MAPKAP1: variants seen among roughly 807,000 people sequenced by gnomAD.
The protein encoded by MAPKAP1 is MAPK associated protein 1.
A neutral mutation model predicts 65.7 loss-of-function variants in MAPKAP1; 20 were observed. The observed-to-expected ratio is 0.30, with a 90% confidence interval of 0.21 to 0.44. The LOEUF is 0.44. MAPKAP1 is among the 20% of genes least tolerant of loss of function. The pLI, the probability that MAPKAP1 is intolerant of heterozygous loss-of-function variation, is 1.00. For missense variants in MAPKAP1, 423 were observed against 648.0 expected, an observed-to-expected ratio of 0.65 and a Z score of 3.77; for synonymous variants, 222 against 244.3, an observed-to-expected ratio of 0.91 and a Z score of 0.85.
rs1852745616 is a variant in MAPKAP1, at chr9:125,447,071, CA to C, written c.1346-2474del. 2.0e-5 allele frequency among the ~76,000 whole-genome samples: 3 copies of C among 151,920 alleles called. No homozygotes were observed. The highest frequency in any genetic ancestry group is 1.9e-4 in the East Asian group (1 of 5,186). On this transcript the variant is annotated intron_variant, in intron 10 of 11. Coordinates refer to ENST00000265960, the MANE Select transcript of MAPKAP1 (RefSeq NM_001006617.3). The surrounding 1 kb of genome is among the most constrained non-coding windows in gnomAD (Gnocchi z 4.5). ...CATCTGCACAGTCACGTGAAAAAAA[CA>C]AAAAAATCATACCAAGCCAAGTCTC...
At chr9:125,658,776 G>A (rs1834104217) in intron 3 of MAPKAP1, among the ~76,000 whole-genome samples, 1 of 152,176 alleles carries the variant, frequency 6.6e-6, no homozygotes, top group Non-Finnish European at 1.5e-5. Context: ...AATCAAGGTG[G>A]CGGTAGCTAG....
Position 125,595,824 on chromosome 9 carries a change from G to A in MAPKAP1, c.499-10097C>T, listed in dbSNP as rs573470822. 14 of 1,126,336 alleles carry A rather than the reference G, an allele frequency of 1.2e-5. No homozygotes were observed. The highest frequency in any genetic ancestry group is 4.7e-5 in the East Asian group (2 of 42,660). The allele number at this position is 1,126,336 out of a possible 1,614,324, so 69.8% of individuals were successfully genotyped here. A position where few individuals can be genotyped will look rare whatever the true frequency, so the allele number is the denominator to read the frequency against. On this transcript the variant is annotated intron_variant, in intron 4 of 11. Coordinates refer to ENST00000265960, the MANE Select transcript of MAPKAP1 (RefSeq NM_001006617.3). This position sits in a 1 kb window ranked among gnomAD's most constrained non-coding sequence, Gnocchi z 4.0. Reference sequence around the variant, plus strand: ...GTAATGAAAGATTCCAACACCAAGCGTTCCGGGGGTTTTGGGTTTGTCACC... The same window carrying A: ...GTAATGAAAGATTCCAACACCAAGCATTCCGGGGGTTTTGGGTTTGTCACC...
intron 7 of MAPKAP1, among the ~76,000 whole-genome samples, chr9:125,538,200 C>G (rs2133156867): frequency 6.6e-6 from 1 of 152,240 alleles, no homozygotes; most frequent in African/African-American, 2.4e-5. Context: ...ATTTTAAAAT[C>G]TCTCTTTGGT....
chr9:125,554,531 G>A (rs2133199948), intron 6 of MAPKAP1, among the ~76,000 whole-genome samples: 1 of 152,316 alleles, frequency 6.6e-6, no homozygotes, highest in South Asian at 2.1e-4. Context: ...AGGAGCGGTG[G>A]CTCATGCCTG....
At chr9:125,601,017 T>G (rs1832283666) in intron 4 of MAPKAP1, among the ~76,000 whole-genome samples, 1 of 152,190 alleles carries the variant, frequency 6.6e-6, no homozygotes, top group Admixed American at 6.5e-5. Context: ...AAATTGGTTT[T>G]TTTTAAACCA....
At chr9:125,646,261 A>C (rs926497200) in intron 4 of MAPKAP1, among the ~76,000 whole-genome samples, 3 of 152,136 alleles carry the variant, frequency 2.0e-5, no homozygotes, top group African/African-American at 7.2e-5. Flanking sequence ...TAGGAGGATC[A>C]CTTGAGCCCA....
intron 1 of MAPKAP1, among the ~76,000 whole-genome samples, chr9:125,688,644 T>A (rs913511306): frequency 1.3e-5 from 2 of 151,686 alleles, no homozygotes; most frequent in Non-Finnish European, 2.9e-5. Flanking sequence ...GCGGATTGCT[T>A]GAGCACAGGA....
intron 8 of MAPKAP1, among the ~76,000 whole-genome samples, chr9:125,500,855 G>C (rs1828956516): frequency 6.6e-6 from 1 of 152,070 alleles, no homozygotes; most frequent in Non-Finnish European, 1.5e-5. Context: ...TCCTACCTAT[G>C]AATTAGTTCC....
intron 4 of MAPKAP1, among the ~76,000 whole-genome samples, chr9:125,625,534 C>A (rs1258617866): frequency 6.6e-6 from 1 of 152,160 alleles, no homozygotes; most frequent in African/African-American, 2.4e-5. Flanking sequence ...GCAGCTCACG[C>A]CTGTAATCCC....
intron 7 of MAPKAP1, among the ~76,000 whole-genome samples, chr9:125,510,403 C>CA (rs1413228211): frequency 6.6e-6 from 1 of 152,204 alleles, no homozygotes; most frequent in Non-Finnish European, 1.5e-5. Flanking sequence ...TTTATTCCAA[C>CA]AAACCCACAC....
intron 4 of MAPKAP1, among the ~76,000 whole-genome samples, chr9:125,615,953 T>C (rs562463691): frequency 6.7e-6 from 1 of 150,018 alleles, no homozygotes; most frequent in East Asian, 1.9e-4. Flanking sequence ...AAAAGGAGGT[T>C]GAAGGAGCAT....
intron 1 of MAPKAP1, among the ~76,000 whole-genome samples, chr9:125,689,599 C>T (rs920275017): frequency 7.0e-6 from 1 of 142,762 alleles, no homozygotes; most frequent in African/African-American, 2.6e-5. Context: ...ATTAGCTGGG[C>T]GTGGTGGTGG....
At chr9:125,678,756 C>G (rs1768798) in intron 1 of MAPKAP1, among the ~76,000 whole-genome samples, 139,142 of 152,186 alleles carry the variant, frequency 0.91, 64,791 homozygotes, top group East Asian at 1. Context: ...ATAATTTTTA[C>G]TAGGTTTTGA....
At position 125,642,467 on chromosome 9, in the gene MAPKAP1, A is replaced by G. The variant is rs75110620; in HGVS notation, c.498+15184T>C. 2.0e-5 allele frequency among the ~76,000 whole-genome samples: 3 copies of G among 152,204 alleles called. No homozygotes were observed. In the East Asian group the frequency reaches 5.8e-4, roughly 29 times the overall value. On this transcript the variant is annotated intron_variant, in intron 4 of 11. Coordinates refer to ENST00000265960, the MANE Select transcript of MAPKAP1 (RefSeq NM_001006617.3). ...AGCTGACTAAGACCAACTAGACCCA[A>G]TATGGAGCTGGATTTGACCTAGGTT...
chr9:125,480,975 G>GA (rs536367888), intron 9 of MAPKAP1, among the ~76,000 whole-genome samples: 2,407 of 108,492 alleles, frequency 0.022, 86 homozygotes, highest in Non-Finnish European at 0.034. Flanking sequence ...CCGTTTCGGG[G>GA]AAAAAAAAAA....
chr9:125,563,993 G>A (rs905776257), intron 5 of MAPKAP1, among the ~76,000 whole-genome samples: 2 of 152,264 alleles, frequency 1.3e-5, no homozygotes, highest in African/African-American at 2.4e-5. Context: ...TTATAGGCGT[G>A]AGCCACCATG....
chr9:125,645,624 C>G (rs909516505), intron 4 of MAPKAP1, among the ~76,000 whole-genome samples: 1 of 151,418 alleles, frequency 6.6e-6, no homozygotes, highest in Non-Finnish European at 1.5e-5. Flanking sequence ...GTAGTCCCAG[C>G]TACTTGGGAG....
At chr9:125,652,971 G>A (rs181426427) in intron 4 of MAPKAP1, among the ~76,000 whole-genome samples, 3 of 152,156 alleles carry the variant, frequency 2.0e-5, no homozygotes, top group Non-Finnish European at 4.4e-5. Flanking sequence ...AATGAAGTAC[G>A]TGGGAAAGAC....
In MAPKAP1 at chr9:125,461,506, T is replaced by C. The variant is rs991757628; in HGVS notation, c.1345+6466A>G. ...ATCCAAATGCAGCAAGGAGTTTTAA[T>C]TGGATAGTGTAATTAAACTAAAAAA... is the stretch of plus-strand genomic sequence containing the variant. On this transcript the variant is annotated intron_variant, in intron 10 of 11. Coordinates refer to ENST00000265960, the MANE Select transcript of MAPKAP1 (RefSeq NM_001006617.3). 5.3e-5 allele frequency among the ~76,000 whole-genome samples: 8 copies of C among 152,188 alleles called. No individual in the cohort carries two copies. In the East Asian group the frequency reaches 9.6e-4, roughly 18 times the overall value.
Sources: allele counts gnomAD v4.1 joint callset (sites outside exome capture counted in the v4.1 genomes callset), GRCh38; gene constraint gnomAD v4.1.1; non-coding constraint Gnocchi (gnomAD v3.1); transcripts MANE v1.5; gene names NCBI Gene and HGNC (gene_info 2026-07-23, HGNC 2026-07-21).